FMNL2: variants seen among roughly 807,000 people sequenced by gnomAD.
The protein encoded by FMNL2 is formin like 2, also known as formin-like protein 2.
A neutral mutation model predicts 130.2 loss-of-function variants in FMNL2; 51 were observed. The ratio of observed to expected loss-of-function variants is 0.39; its 90% confidence interval spans 0.31 to 0.49. FMNL2 has a LOEUF of 0.49. Among genes scored for constraint, FMNL2 ranks in the 20% least tolerant of loss-of-function variants. FMNL2 has a pLI of 0.85. For synonymous variants in FMNL2, 465 were observed against 467.1 expected (o/e 1.00, Z 0.06); for missense variants, 977 against 1,316.2 (o/e 0.74, Z 3.99).
chr2:152,352,000 C>A (rs1338464785), intron 1 of FMNL2, among the ~76,000 whole-genome samples: 1 of 152,110 alleles, frequency 6.6e-6, no homozygotes, highest in Non-Finnish European at 1.5e-5. Flanking sequence ...AGTTTGAGAA[C>A]CTTTAAGCAT....
intron 15 of FMNL2, among the ~76,000 whole-genome samples, chr2:152,620,083 T>A (rs369417249): frequency 6.6e-6 from 1 of 152,050 alleles, no homozygotes; most frequent in Non-Finnish European, 1.5e-5. Context: ...CAAAGCTCAG[T>A]ATTAGGCACA....
chr2:152,561,180 AG>A, intron 6 of FMNL2, 145 bp downstream of exon 6: 3 of 862,868 alleles, frequency 3.5e-6, no homozygotes, highest in Non-Finnish European at 5.2e-6. Context: ...ATGTTTCTTT[AG>A]GAGTTCATGG....
At chr2:152,405,583 G>A (rs1405425403) in intron 1 of FMNL2, among the ~76,000 whole-genome samples, 1 of 152,130 alleles carries the variant, frequency 6.6e-6, no homozygotes, top group African/African-American at 2.4e-5. Context: ...GTTTTCCTGT[G>A]TCTACCTTGC....
At chr2:152,629,316 G>C (rs1348831287) in intron 18 of FMNL2, among the ~76,000 whole-genome samples, 1 of 152,050 alleles carries the variant, frequency 6.6e-6, no homozygotes, top group Non-Finnish European at 1.5e-5. Flanking sequence ...GACATGATTA[G>C]AGGTGGTAGG....
chr2:152,597,215 A>G (rs1697817226), intron 9 of FMNL2, among the ~76,000 whole-genome samples: 1 of 152,236 alleles, frequency 6.6e-6, no homozygotes, highest in Non-Finnish European at 1.5e-5. Flanking sequence ...GATAACAAAT[A>G]TTGTCAGCTG....
intron 1 of FMNL2, among the ~76,000 whole-genome samples, chr2:152,437,559 T>C (rs1480380420): frequency 6.6e-6 from 1 of 152,192 alleles, no homozygotes; most frequent in Non-Finnish European, 1.5e-5. Context: ...ATTGCTGGAT[T>C]GATTTAGTGC....
intron 6 of FMNL2, among the ~76,000 whole-genome samples, chr2:152,573,496 C>G (rs2105680609): frequency 6.6e-6 from 1 of 152,270 alleles, no homozygotes; most frequent in South Asian, 2.1e-4. Flanking sequence ...CTCATCTCAT[C>G]CCTTATTTGC....
intron 1 of FMNL2, among the ~76,000 whole-genome samples, chr2:152,462,186 G>A (rs1029008117): frequency 3.9e-5 from 6 of 152,160 alleles, no homozygotes; most frequent in African/African-American, 1.2e-4. Flanking sequence ...TTGAAGACTT[G>A]AAATGTGGCA....
intron 1 of FMNL2, among the ~76,000 whole-genome samples, chr2:152,484,843 G>A (rs1054232859): frequency 2.0e-5 from 3 of 152,160 alleles, no homozygotes; most frequent in Non-Finnish European, 4.4e-5. Flanking sequence ...TGAACTTTGC[G>A]AAAGAATAAA....
intron 1 of FMNL2, among the ~76,000 whole-genome samples, chr2:152,467,361 G>A (rs1689608821): frequency 6.6e-6 from 1 of 152,142 alleles, no homozygotes. Flanking sequence ...GATGTAACCA[G>A]ACTCCTCAAA....
intron 3 of FMNL2, among the ~76,000 whole-genome samples, chr2:152,544,103 T>C (rs755318066): frequency 6.6e-6 from 1 of 152,156 alleles, no homozygotes; most frequent in African/African-American, 2.4e-5. Context: ...AATTTCATCA[T>C]TTAAAGAGGT....
At chr2:152,643,592 C>T (rs1380439236) in intron 25 of FMNL2, 2 of 1,520,394 alleles carry the variant, frequency 1.3e-6, no homozygotes, top group Admixed American at 2.0e-5. Context: ...GTGTGTCTGT[C>T]AGGGCCCACC....
At chr2:152,611,093 C>G (rs926908095) in intron 10 of FMNL2, among the ~76,000 whole-genome samples, 2 of 152,190 alleles carry the variant, frequency 1.3e-5, no homozygotes, top group African/African-American at 4.8e-5. Flanking sequence ...GTAATCCCAG[C>G]ACTTTGGGAG....
At chr2:152,490,092 T>A (rs1018866714) in intron 1 of FMNL2, among the ~76,000 whole-genome samples, 2 of 152,178 alleles carry the variant, frequency 1.3e-5, no homozygotes, top group Non-Finnish European at 1.5e-5. Context: ...AGATGCTGCA[T>A]CTCTAGTTTT....
intron 4 of FMNL2, among the ~76,000 whole-genome samples, chr2:152,553,382 T>A (rs538271490): frequency 6.6e-6 from 1 of 152,286 alleles, no homozygotes; most frequent in Non-Finnish European, 1.5e-5. Flanking sequence ...CCTACAAAAA[T>A]CTTATTGACC....
At chr2:152,612,050 C>T (rs1399888875) in intron 11 of FMNL2, among the ~76,000 whole-genome samples, 1 of 152,150 alleles carries the variant, frequency 6.6e-6, no homozygotes, top group Non-Finnish European at 1.5e-5. Context: ...GAAATGGACA[C>T]CAGAGACTTC....
At chr2:152,478,227 TAC>T (rs1314944427) in intron 1 of FMNL2, among the ~76,000 whole-genome samples, 5 of 120,270 alleles carry the variant, frequency 4.2e-5, no homozygotes, top group African/African-American at 1.3e-4. Context: ...TATACATATA[TAC>T]ATATATATAT....
At chr2:152,469,276 GATAT>G (rs1689726229) in intron 1 of FMNL2, among the ~76,000 whole-genome samples, 1 of 152,168 alleles carries the variant, frequency 6.6e-6, no homozygotes, top group Non-Finnish European at 1.5e-5. Context: ...AGCTCTTCCT[GATAT>G]CATGTGTAAC....
rs566069821 is a variant in FMNL2, at chr2:152,396,912, A to G, written c.117+61192A>G. Among the ~76,000 whole-genome samples, 210 of 152,324 alleles carry G rather than the reference A, an allele frequency of 1.4e-3. 1 individual carries two copies. The highest frequency in any genetic ancestry group is 3.8e-3 in the Admixed American group (58 of 15,306). On this transcript the variant is annotated intron_variant, in intron 1 of 25. Transcript: ENST00000288670. ...CTCATCATTATTTTTAAAGCTCTCT[A>G]AATGCCTGTCTTGCTTAAAGAATCA...
Sources: gnomAD v4.1 joint callset for allele counts (sites outside exome capture counted in the v4.1 genomes callset) on GRCh38, gnomAD v4.1.1 for gene constraint, MANE v1.5 for transcripts, NCBI Gene and HGNC (gene_info 2026-07-23, HGNC 2026-07-21) for gene names.